The following PXDN variants were observed in gnomAD, a reference collection of about 807,000 sequenced individuals.
PXDN encodes peroxidasin, also known as peroxidasin homolog.
A neutral mutation model predicts 140.3 loss-of-function variants in PXDN; 77 were observed. That is an observed-to-expected ratio of 0.55 (90% CI 0.46 to 0.66). PXDN has a LOEUF of 0.66. PXDN is among the 30% of genes least tolerant of loss of function. The pLI is 0.00. For synonymous variants in PXDN, 911 were observed against 857.4 expected (o/e 1.06, Z -1.09); for missense variants, 1,838 against 2,039.5 (o/e 0.90, Z 1.90).
Position 1,685,347 on chromosome 2 carries a change from G to A in PXDN, c.417-1196C>T, listed in dbSNP as rs535372104. Among the ~76,000 whole-genome samples, 28 of 152,348 alleles carry A rather than the reference G, an allele frequency of 1.8e-4. No homozygotes were observed. In the East Asian group the frequency reaches 2.9e-3, roughly 16 times the overall value. On this transcript the variant is annotated intron_variant, in intron 4 of 22. Coordinates refer to ENST00000252804, the MANE Select transcript of PXDN (RefSeq NM_012293.3). The surrounding 1 kb of genome is among the most constrained non-coding windows in gnomAD (Gnocchi z 5.1). The stretch of plus-strand genomic sequence containing the variant: ...GAAAACCGCCGTGGGCGAGCATGAC[G>A]GGCGGGCACCTGACGCGCGGGTCCC...
At chr2:1,644,806 A>C in intron 17 of PXDN, 54 bp from the exon 18 acceptor site, 1 of 1,336,086 alleles carries the variant, frequency 7.5e-7, no homozygotes, top group Non-Finnish European at 9.7e-7. Flanking sequence ...ACGTGGTAAA[A>C]AATACAGCAA....
intron 14 of PXDN, among the ~76,000 whole-genome samples, chr2:1,658,019 A>T: frequency 1.0e-5 from 1 of 99,894 alleles, no homozygotes; most frequent in African/African-American, 4.5e-5. Context: ...ACTCCATTTC[A>T]GCTGTGGGCT....
At chr2:1,670,590 A>G (rs1683550555) in intron 9 of PXDN, among the ~76,000 whole-genome samples, 1 of 152,240 alleles carries the variant, frequency 6.6e-6, no homozygotes, top group South Asian at 2.1e-4. Flanking sequence ...GACATTTAAT[A>G]TTAGTATTTC....
Position 1,647,795 on chromosome 2 carries a change from G to A in PXDN, c.3608+377C>T, listed in dbSNP as rs1682885641. ...AGCAGGAACCCGAAGCTGCCCAACA[G>A]CCACAGTGTCAGTTTTGGTGTTTTC... On this transcript the variant is annotated intron_variant, in intron 17 of 22. Coordinates refer to ENST00000252804, the MANE Select transcript of PXDN (RefSeq NM_012293.3). Among the ~76,000 whole-genome samples the A allele has an allele frequency of 2.6e-5, 4 of 152,326 alleles. 1 individual carries two copies. The South Asian group carries it at 8.3e-4, about 32-fold the overall frequency.
intron 1 of PXDN, among the ~76,000 whole-genome samples, chr2:1,697,613 G>T (rs1003195621): frequency 2.9e-4 from 1 of 3,494 alleles, no homozygotes; most frequent in Admixed American, 3.0e-3. Context: ...TAATCCTAAC[G>T]GGGGGGGAAA....
intron 9 of PXDN, among the ~76,000 whole-genome samples, 154 bp downstream of exon 9, chr2:1,673,489 C>T (rs760829505): frequency 3.3e-5 from 5 of 152,286 alleles, no homozygotes; most frequent in Admixed American, 6.5e-5. Flanking sequence ...TACGACCCTG[C>T]GCTTAGAAAG....
rs1276504765 is a variant in PXDN at position 1,660,522 on chromosome 2, T to C, written c.1837+359A>G. 2.0e-5 allele frequency among the ~76,000 whole-genome samples: 3 copies of C among 152,182 alleles called. No individual in the cohort carries two copies. The highest frequency in any genetic ancestry group is 6.5e-5 in the Admixed American group (1 of 15,274). On this transcript the variant is annotated intron_variant, in intron 14 of 22. Coordinates refer to ENST00000252804, the MANE Select transcript of PXDN (RefSeq NM_012293.3). The surrounding 1 kb of genome is among the most constrained non-coding windows in gnomAD (Gnocchi z 4.6). ...TCAGAATCTCTTCAAGCAACCATAT[T>C]TGCCAAATTGTAACTGTAAATTACA...
intron 6 of PXDN, among the ~76,000 whole-genome samples, chr2:1,680,662 T>C (rs886216387): frequency 1.3e-5 from 2 of 152,078 alleles, no homozygotes; most frequent in Non-Finnish European, 2.9e-5. Flanking sequence ...GGTGTCGAGC[T>C]CAAGGCGAGG....
At chr2:1,684,659 T>C (rs1314674784) in intron 4 of PXDN, among the ~76,000 whole-genome samples, 1 of 152,162 alleles carries the variant, frequency 6.6e-6, no homozygotes, top group African/African-American at 2.4e-5. Flanking sequence ...AAAAAGAATG[T>C]CACACAACTT....
Position 1,684,173 on chromosome 2 carries a change from A to G in PXDN, c.417-22T>C, listed in dbSNP as rs770108003. The G allele has an allele frequency of 1.9e-6, 3 of 1,540,514 alleles. No homozygotes were observed. In the South Asian group the frequency reaches 3.6e-5, roughly 19 times the overall value. ...GTATCTAGAGGAGTTAAAAGAAAAA[A>G]AAGTATAACTTACAATTTATTTTCT... On this transcript the variant is annotated intron_variant, in intron 4 of 22. Coordinates refer to ENST00000252804, the MANE Select transcript of PXDN (RefSeq NM_012293.3).
rs1682773533 is a variant in PXDN at position 1,643,416 on chromosome 2, C to T, written c.3904G>A (p.Asp1302Asn). ...AEFPHGYGSC[D>N]EIPRVDLRVW... ...CGGAGGTCTACCCTGGGGATCTCGT[C>T]ACAGCTGCCGTAGCCGTGAGGGAAC... Residue 1302 changes from aspartate (D) to asparagine (N), a missense_variant, in exon 19 of 23, where the codon GAC (aspartate) becomes AAC (asparagine). Asp to Asn is a conservative substitution (Grantham distance 23, BLOSUM62 1). Around this residue, in one of 5 missense-constraint regions of PXDN, gnomAD observed 850 missense variants for 894.1 expected, o/e 0.95. Transcript: ENST00000252804. 2 of 1,613,954 alleles carry T rather than the reference C, an allele frequency of 1.2e-6. No individual in the cohort carries two copies. Among genetic ancestry groups the T allele is most frequent in the African/African-American group, 2.7e-5 (2 of 75,068 alleles).
At chr2:1,740,247 C>A (rs1429656557) in intron 1 of PXDN, among the ~76,000 whole-genome samples, 1 of 152,188 alleles carries the variant, frequency 6.6e-6, no homozygotes, top group African/African-American at 2.4e-5. Flanking sequence ...CCAGCCGGCT[C>A]CCTGAGTGCC....
At position 1,685,211 on chromosome 2, in the gene PXDN, G is replaced by GC; in HGVS notation, c.417-1061dup. Among the ~76,000 whole-genome samples, 1 of 152,328 alleles carries GC rather than the reference G, an allele frequency of 6.6e-6. No individual in the cohort carries two copies. The highest frequency in any genetic ancestry group is 2.1e-4 in the South Asian group (1 of 4,824). On this transcript the variant is annotated intron_variant, in intron 4 of 22. Transcript: ENST00000252804. The surrounding 1 kb of genome is among the most constrained non-coding windows in gnomAD (Gnocchi z 5.1). ...CTCTGCGGACACCTGCAGCCGGAGG[G>GC]CCCCCAAACGCAGACCATCCCTGCC... is the stretch of plus-strand genomic sequence containing the variant.
intron 6 of PXDN, among the ~76,000 whole-genome samples, chr2:1,681,829 A>G (rs1683914713): frequency 6.6e-6 from 1 of 152,240 alleles, no homozygotes; most frequent in African/African-American, 2.4e-5. Flanking sequence ...GCATCTGGCC[A>G]GTCGGTCCTG....
chr2:1,711,470 C>CTG (rs1684776635), intron 1 of PXDN, among the ~76,000 whole-genome samples: 1 of 77,538 alleles, frequency 1.3e-5, no homozygotes, highest in Non-Finnish European at 2.7e-5. Flanking sequence ...CCACCAGCAC[C>CTG]CGCTCCACCA....
chr2:1,673,328 G>A (rs551941842), intron 9 of PXDN, among the ~76,000 whole-genome samples: 2 of 152,170 alleles, frequency 1.3e-5, no homozygotes, highest in South Asian at 2.1e-4. Context: ...TTCAGATGGC[G>A]CCTGGGGGGT....
chr2:1,684,413 C>T (rs559624158), intron 4 of PXDN, among the ~76,000 whole-genome samples: 9 of 152,236 alleles, frequency 5.9e-5, no homozygotes, highest in Non-Finnish European at 8.8e-5. Context: ...TCCTTGACAC[C>T]GCGTGAGAAG....
chr2:1,731,364 C>T (rs888012928), intron 1 of PXDN, among the ~76,000 whole-genome samples: 2 of 113,944 alleles, frequency 1.8e-5, no homozygotes, highest in African/African-American at 3.5e-5. Context: ...CTCCGCATCC[C>T]AGCACCCTTG....
intron 1 of PXDN, among the ~76,000 whole-genome samples, chr2:1,701,828 C>T (rs1684441312): frequency 1.3e-5 from 2 of 152,178 alleles, no homozygotes; most frequent in African/African-American, 4.8e-5. Flanking sequence ...GATGACTGCC[C>T]TTATGAAAGA....
Sources: gnomAD v4.1 joint callset for allele counts (sites outside exome capture counted in the v4.1 genomes callset) on GRCh38, gnomAD v4.1.1 for gene constraint, gnomAD v4.1.1 regional missense constraint, Gnocchi (gnomAD v3.1) non-coding constraint, MANE v1.5 for transcripts, NCBI Gene and HGNC (gene_info 2026-07-23, HGNC 2026-07-21) for gene names.